ZCCHC4: variants seen among roughly 807,000 people sequenced by gnomAD.
ZCCHC4 encodes the protein zinc finger CCHC-type containing 4.
ZCCHC4 carries 54 observed loss-of-function variants against 67.7 expected under a neutral mutation model. The ratio of observed to expected loss-of-function variants is 0.80; its 90% CI spans 0.64 to 1.00. The LOEUF is 1.00. Ranked by LOEUF, ZCCHC4 falls within the 50% of genes least tolerant of loss-of-function variation. The probability of loss-of-function intolerance (pLI) is 0.00; values close to 1 mark genes in which losing one functional copy is unlikely to be tolerated. For synonymous variants in ZCCHC4, 198 were observed against 213.5 expected (o/e 0.93, Z 0.63); for missense variants, 609 against 617.0 (o/e 0.99, Z 0.14).
intron 3 of ZCCHC4, among the ~76,000 whole-genome samples, chr4:25,319,820 C>T (rs542184795): frequency 4.6e-5 from 7 of 151,968 alleles, no homozygotes; most frequent in Non-Finnish European, 7.4e-5. Flanking sequence ...TTTTGTATAA[C>T]GCATTTATAA....
chr4:25,359,507 C>G lies in ZCCHC4; in HGVS notation c.1012-2352C>G, dbSNP rs2109090153. Among the ~76,000 whole-genome samples, 1 of 152,300 alleles carries G rather than the reference C, an allele frequency of 6.6e-6. No homozygotes were observed. The highest frequency in any genetic ancestry group is 2.1e-4 in the South Asian group (1 of 4,826). On this transcript the variant is annotated intron_variant, in intron 8 of 12. Coordinates refer to ENST00000302874, the MANE Select transcript of ZCCHC4 (RefSeq NM_024936.3). The surrounding 1 kb of genome is among the most constrained non-coding windows in gnomAD (Gnocchi z 4.9). The stretch of plus-strand genomic sequence containing the variant: ...TCTTGGCCAGAGACCGCCACCTGGT[C>G]TGATACCAAGGAGGCTGTTGGCGGG...
At chr4:25,336,117 C>G (rs1410279130) in intron 5 of ZCCHC4, among the ~76,000 whole-genome samples, 1 of 152,246 alleles carries the variant, frequency 6.6e-6, no homozygotes, top group Non-Finnish European at 1.5e-5. Flanking sequence ...CTAGGTACTT[C>G]TAGAACATTT....
intron 5 of ZCCHC4, among the ~76,000 whole-genome samples, chr4:25,336,921 T>C (rs989655771): frequency 2.0e-5 from 3 of 152,346 alleles, no homozygotes; most frequent in African/African-American, 7.2e-5. Flanking sequence ...AGAGGTTAAA[T>C]AGCTTGATCA....
Position 25,332,297 on chromosome 4 carries a change from CAAAAAA to C in ZCCHC4, c.330-871_330-866del, listed in dbSNP as rs35606314. Among the ~76,000 whole-genome samples, 10 of 94,064 alleles carry C rather than the reference CAAAAAA, an allele frequency of 1.1e-4. No homozygotes were observed. The Admixed American group carries it at 1.1e-3, about 11-fold the overall frequency. The allele number at this position is 94,064 out of a possible 152,430, so 61.7% of individuals were successfully genotyped here. A position where few individuals can be genotyped will look rare whatever the true frequency, so the allele number is the denominator to read the frequency against. ...CACTCTAGCCTGGGTGACTCCATCT[CAAAAAA>C]AAAAAAAAAAAAAAGATATGACTCT... On this transcript the variant is annotated intron_variant, in intron 3 of 12. Coordinates refer to ENST00000302874, the MANE Select transcript of ZCCHC4 (RefSeq NM_024936.3).
chr4:25,340,367 A>G (rs1040706040), intron 5 of ZCCHC4, among the ~76,000 whole-genome samples: 3 of 152,188 alleles, frequency 2.0e-5, no homozygotes, highest in Non-Finnish European at 4.4e-5. Context: ...GCCCATCCCT[A>G]TGCCACTCTT....
intron 3 of ZCCHC4, among the ~76,000 whole-genome samples, chr4:25,316,158 G>A (rs1202180194): frequency 2.6e-5 from 4 of 152,206 alleles, no homozygotes. Context: ...TATCAGAACT[G>A]TATTCCTTTT....
At chr4:25,314,990 T>G (rs1363782875) in intron 2 of ZCCHC4, among the ~76,000 whole-genome samples, 7 of 152,212 alleles carry the variant, frequency 4.6e-5, no homozygotes, top group Admixed American at 4.6e-4. Flanking sequence ...CAGAGAATTT[T>G]CAGTTTTGTT....
intron 5 of ZCCHC4, 38 bp from the exon 6 acceptor site, chr4:25,345,510 G>T (rs773319531): frequency 1.3e-5 from 14 of 1,109,984 alleles, no homozygotes; most frequent in Non-Finnish European, 1.9e-5. Flanking sequence ...CTACTCTATA[G>T]CTGTGACTGG....
intron 3 of ZCCHC4, among the ~76,000 whole-genome samples, chr4:25,323,175 T>C (rs1718676149): frequency 6.6e-6 from 1 of 152,246 alleles, no homozygotes; most frequent in South Asian, 2.1e-4. Flanking sequence ...GCCCAGAGGT[T>C]GTAAAAGGTT....
chr4:25,360,996 G>A (rs1467109270), intron 8 of ZCCHC4, among the ~76,000 whole-genome samples: 1 of 152,194 alleles, frequency 6.6e-6, no homozygotes, highest in African/African-American at 2.4e-5. Flanking sequence ...ATACCTGGGT[G>A]GTCTATCAAG....
intron 5 of ZCCHC4, among the ~76,000 whole-genome samples, chr4:25,334,793 T>G (rs549344223): frequency 2.0e-4 from 30 of 152,306 alleles, no homozygotes; most frequent in Non-Finnish European, 3.7e-4. Flanking sequence ...TCAGGCTTTG[T>G]GTTTCCTTTT....
intron 3 of ZCCHC4, among the ~76,000 whole-genome samples, chr4:25,324,276 A>G (rs1560399686): frequency 6.6e-6 from 1 of 151,820 alleles, no homozygotes; most frequent in African/African-American, 2.4e-5. Context: ...TGGCCTCCCA[A>G]AGTGCTGGGA....
At chr4:25,315,208 C>G (rs2109044588) in intron 2 of ZCCHC4, 110 bp from the exon 3 acceptor site, 2 of 908,348 alleles carry the variant, frequency 2.2e-6, no homozygotes, top group South Asian at 4.2e-5. Context: ...AAATGAATGC[C>G]TGTTGAGTTG....
chr4:25,326,738 G>A (rs1054675060), intron 3 of ZCCHC4, among the ~76,000 whole-genome samples: 3 of 151,992 alleles, frequency 2.0e-5, no homozygotes, highest in Non-Finnish European at 4.4e-5. Context: ...AATCCTGCTG[G>A]GATTTTGATT....
rs1720909094 is a variant in ZCCHC4 at position 25,365,556 on chromosome 4, G to A, written c.1406+390G>A. ...CATGATGGCAGGAAAGGCTGGAGAA[G>A]GCATTTCAGATTGAATAGCAAGTAA... On this transcript the variant is annotated intron_variant, in intron 12 of 12. Coordinates refer to ENST00000302874, the MANE Select transcript of ZCCHC4 (RefSeq NM_024936.3). The A allele has an allele frequency of 4.0e-6, 4 of 990,626 alleles. 1 individual carries two copies. The allele number at this position is 990,626 out of a possible 1,614,324, so 61.4% of individuals were successfully genotyped here.
intron 7 of ZCCHC4, 66 bp from the exon 8 acceptor site, chr4:25,351,523 T>C: frequency 9.1e-7 from 1 of 1,094,754 alleles, no homozygotes; most frequent in Non-Finnish European, 1.3e-6. Context: ...AGCGGAAGTT[T>C]TTCTACTGTA....
chr4:25,313,762 A>ATGC (rs1428200732), intron 1 of ZCCHC4, among the ~76,000 whole-genome samples: 64 of 152,210 alleles, frequency 4.2e-4, no homozygotes, highest in Non-Finnish European at 4.3e-4. Context: ...GCTACTCGGG[A>ATGC]TGCTGAGGCG....
At position 25,351,693 on chromosome 4, in the gene ZCCHC4, G is replaced by A. The variant is rs57521858; in HGVS notation, c.1011+4G>A. On this transcript the variant is annotated splice_donor_region_variant and intron_variant, in intron 8 of 12. Transcript: ENST00000302874. ...CTTCCAGATGCTGGATTACCAGGTA[G>A]AGTACATATTCTGTTTTCTGGCATG... is the stretch of plus-strand genomic sequence containing the variant. 1.4e-3 allele frequency: 2,172 copies of A among 1,601,122 alleles called. 25 individuals carry two copies. The African/African-American group carries it at 0.025, about 19-fold the overall frequency.
At chr4:25,366,121 C>A (rs2109096222) in intron 12 of ZCCHC4, 4 of 980,154 alleles carry the variant, frequency 4.1e-6, no homozygotes, top group East Asian at 1.1e-4. Context: ...TATTAGAATT[C>A]TTTCCCATGT....
Sources: allele counts gnomAD v4.1 joint callset (sites outside exome capture counted in the v4.1 genomes callset), GRCh38; gene constraint gnomAD v4.1.1; non-coding constraint Gnocchi (gnomAD v3.1); transcripts MANE v1.5; gene names NCBI Gene and HGNC (gene_info 2026-07-23, HGNC 2026-07-21).